BLNK: variants seen among roughly 807,000 people sequenced by gnomAD.
BLNK encodes B cell linker.
BLNK carries 29 observed loss-of-function variants against 73.5 expected under a neutral mutation model. The ratio of observed to expected loss-of-function variants is 0.39; its 90% CI spans 0.29 to 0.54. The LOEUF (loss-of-function observed/expected upper bound fraction) is 0.54, where lower values mean the gene tolerates loss of function less well. BLNK is among the 20% of genes least tolerant of loss of function. The pLI is 0.61. For synonymous variants in BLNK, 176 were observed against 200.8 expected, an observed-to-expected ratio of 0.88 and a Z score of 1.04; for missense variants, 460 against 562.8, an observed-to-expected ratio of 0.82 and a Z score of 1.85.
chr10:96,250,622 C>G (rs548052459), intron 1 of BLNK, among the ~76,000 whole-genome samples: 1 of 152,250 alleles, frequency 6.6e-6, no homozygotes, highest in African/African-American at 2.4e-5. Context: ...AGAATCCTAT[C>G]AGAAATGTGT....
chr10:96,269,102 G>GT (rs2134159963), intron 1 of BLNK, among the ~76,000 whole-genome samples: 1 of 152,292 alleles, frequency 6.6e-6, no homozygotes, highest in South Asian at 2.1e-4. Flanking sequence ...TCTTTGAAAA[G>GT]TTCCACGTCA....
In BLNK at chr10:96,249,035, C is replaced by T. The variant is rs781794153; in HGVS notation, c.48-1986G>A. On this transcript the variant is annotated intron_variant, in intron 1 of 16. Coordinates refer to ENST00000224337, the MANE Select transcript of BLNK (RefSeq NM_013314.4). ...TTAAAAAATGTATAATAAAATTTCACGTGGTTCTTCCCTGAAAGAGTAGGA... is the reference window on the plus strand; with the variant it reads ...TTAAAAAATGTATAATAAAATTTCATGTGGTTCTTCCCTGAAAGAGTAGGA... Among the ~76,000 whole-genome samples the T allele has an allele frequency of 1.3e-5, 2 of 152,288 alleles. 1 individual carries two copies. The highest frequency in any genetic ancestry group is 2.9e-5 in the Non-Finnish European group (2 of 68,026).
intron 13 of BLNK, among the ~76,000 whole-genome samples, chr10:96,201,420 C>G (rs2083631571): frequency 6.6e-6 from 1 of 152,168 alleles, no homozygotes; most frequent in Non-Finnish European, 1.5e-5. Flanking sequence ...ACTAATGCCA[C>G]TCTTTTCCCT....
chr10:96,205,975 G>A (rs1267240640), intron 11 of BLNK, among the ~76,000 whole-genome samples: 1 of 152,194 alleles, frequency 6.6e-6, no homozygotes, highest in Non-Finnish European at 1.5e-5. Context: ...AGGCTGCAAG[G>A]AATGGAAGTA....
chr10:96,192,150 C>A, intron 16 of BLNK, 58 bp from the exon 17 acceptor site: 1 of 1,600,450 alleles, frequency 6.2e-7, no homozygotes. Context: ...ATTTGAGCTC[C>A]ACTCCTCCCA....
intron 11 of BLNK, among the ~76,000 whole-genome samples, chr10:96,205,952 C>T (rs1689248497): frequency 6.6e-6 from 1 of 152,124 alleles, no homozygotes; most frequent in Non-Finnish European, 1.5e-5. Flanking sequence ...AACCTGGACT[C>T]AGCAGGTCTG....
intron 1 of BLNK, among the ~76,000 whole-genome samples, chr10:96,260,082 A>G (rs1843688059): frequency 6.6e-6 from 1 of 152,116 alleles, no homozygotes; most frequent in Non-Finnish European, 1.5e-5. Flanking sequence ...AGCACATTGG[A>G]ATGCTTGCTG....
At chr10:96,232,345 C>A (rs1437474409) in intron 3 of BLNK, among the ~76,000 whole-genome samples, 1 of 146,370 alleles carries the variant, frequency 6.8e-6, no homozygotes, top group Non-Finnish European at 1.5e-5. Flanking sequence ...CACAGAGGAC[C>A]CAGTGGATGT....
At chr10:96,266,051 C>T (rs146484820) in intron 1 of BLNK, among the ~76,000 whole-genome samples, 4 of 152,264 alleles carry the variant, frequency 2.6e-5, no homozygotes, top group East Asian at 1.9e-4. Context: ...CCAAAGAAAG[C>T]GAAGTGTTTT....
chr10:96,267,317 A>G (rs1554914505), intron 1 of BLNK, among the ~76,000 whole-genome samples: 1 of 152,176 alleles, frequency 6.6e-6, no homozygotes, highest in African/African-American at 2.4e-5. Flanking sequence ...TATGGAAGAG[A>G]AGAGCCATAA....
intron 1 of BLNK, among the ~76,000 whole-genome samples, chr10:96,268,451 C>T (rs1396403411): frequency 2.0e-5 from 3 of 151,852 alleles, no homozygotes; most frequent in Non-Finnish European, 4.4e-5. Context: ...AACTAAAAGA[C>T]CCTAAGTGTC....
chr10:96,227,287 G>T, intron 5 of BLNK, 123 bp downstream of exon 5: 1 of 1,303,538 alleles, frequency 7.7e-7, no homozygotes. Context: ...GAGGTGGCGG[G>T]AGCGGGCGGC....
At chr10:96,211,174 A>G (rs2083939382) in intron 8 of BLNK, among the ~76,000 whole-genome samples, 1 of 152,056 alleles carries the variant, frequency 6.6e-6, no homozygotes, top group African/African-American at 2.4e-5. Context: ...TATAATTCCT[A>G]ATGGATTTAT....
At chr10:96,210,160 A>G (rs1049686103) in intron 8 of BLNK, 1 of 528,012 alleles carries the variant, frequency 1.9e-6, no homozygotes, top group Non-Finnish European at 3.4e-6. Flanking sequence ...ACATTTCTAA[A>G]GGACCTTCTC....
intron 1 of BLNK, among the ~76,000 whole-genome samples, chr10:96,265,058 C>T (rs974521923): frequency 9.9e-5 from 15 of 152,052 alleles, no homozygotes; most frequent in Non-Finnish European, 8.8e-5. Flanking sequence ...ACCTCCTGGG[C>T]GATCCTCCCA....
At chr10:96,255,232 C>T (rs919035204) in intron 1 of BLNK, among the ~76,000 whole-genome samples, 14 of 152,168 alleles carry the variant, frequency 9.2e-5, no homozygotes, top group African/African-American at 3.1e-4. Flanking sequence ...CGAGCTCTTC[C>T]AGGGCCAAGA....
chr10:96,201,136 AC>A, intron 13 of BLNK, 78 bp from the exon 14 acceptor site: 3 of 1,297,262 alleles, frequency 2.3e-6, no homozygotes, highest in Non-Finnish European at 3.4e-6. Flanking sequence ...CTAACACTGT[AC>A]TAGGTGCTGC....
chr10:96,204,703 A>G, intron 11 of BLNK, 87 bp from the exon 12 acceptor site: 2 of 1,235,972 alleles, frequency 1.6e-6, no homozygotes, highest in Non-Finnish European at 2.4e-6. Context: ...AGAAGAACCA[A>G]ATTTGATCAG....
At chr10:96,226,860 AAAAACAGACC>A (rs1453597787) in intron 5 of BLNK, among the ~76,000 whole-genome samples, 1 of 151,956 alleles carries the variant, frequency 6.6e-6, no homozygotes, top group Non-Finnish European at 1.5e-5. Flanking sequence ...AAACAAAAAA[AAAAACAGACC>A]CAAGCTGTGT....
Sources: allele counts gnomAD v4.1 joint callset (sites outside exome capture counted in the v4.1 genomes callset), GRCh38; gene constraint gnomAD v4.1.1; transcripts MANE v1.5; gene names NCBI Gene and HGNC (gene_info 2026-07-23, HGNC 2026-07-21).